Variants in GLCE observed in about 807,000 individuals in gnomAD.
GLCE encodes D-glucuronyl C5-epimerase.
A neutral mutation model predicts 47.9 loss-of-function variants in GLCE; 19 were observed. That is an observed-to-expected ratio of 0.40 (90% CI 0.28 to 0.58). The LOEUF is 0.58. Ranked by LOEUF, GLCE falls within the 20% of genes least tolerant of loss-of-function variation. The pLI, the probability that GLCE is intolerant of heterozygous loss-of-function variation, is 0.48. For synonymous variants in GLCE, 245 were observed against 263.4 expected (o/e 0.93, Z 0.68); for missense variants, 556 against 743.3 (o/e 0.75, Z 2.93).
At position 69,250,390 on chromosome 15, in the gene GLCE, C is replaced by T. The variant is rs555315990; in HGVS notation, c.-13-5404C>T. ...CTCCTTCGATCTCTCTTACCATCCCCGCCCCTCTGAAAAAAACCCGTGCCC... is the reference window on the plus strand; with the variant it reads ...CTCCTTCGATCTCTCTTACCATCCCTGCCCCTCTGAAAAAAACCCGTGCCC... On this transcript the variant is annotated intron_variant, in intron 2 of 4. Coordinates refer to ENST00000261858, the MANE Select transcript of GLCE (RefSeq NM_015554.3). Among the ~76,000 whole-genome samples, 14 of 152,194 alleles carry T rather than the reference C, an allele frequency of 9.2e-5. No individual in the cohort carries two copies. In the East Asian group the frequency reaches 1.9e-3, roughly 21 times the overall value.
At chr15:69,215,319 CAT>C (rs1336085798) in intron 2 of GLCE, among the ~76,000 whole-genome samples, 1 of 152,124 alleles carries the variant, frequency 6.6e-6, no homozygotes, top group Non-Finnish European at 1.5e-5. Flanking sequence ...TACATGGAAT[CAT>C]ATAATATGTA....
rs1595727294 is a variant in GLCE at position 69,160,986 on chromosome 15, T to G, written c.-105+229T>G. Among the ~76,000 whole-genome samples the G allele has an allele frequency of 8.3e-6, 1 of 120,648 alleles. No homozygotes were observed. The highest frequency in any genetic ancestry group is 8.8e-5 in the Admixed American group (1 of 11,402). The allele number at this position is 120,648 out of a possible 152,430, so 79.1% of individuals were successfully genotyped here. On this transcript the variant is annotated intron_variant, in intron 1 of 4. Coordinates refer to ENST00000261858, the MANE Select transcript of GLCE (RefSeq NM_015554.3). This position sits in a 1 kb window ranked among gnomAD's most constrained non-coding sequence, Gnocchi z 4.2. ...GTAGCGGGTGCCGGAGCTCCCGAGGTGAGGGGGCAATGTATTAGGGATCCT... is the reference window on the plus strand; with the variant it reads ...GTAGCGGGTGCCGGAGCTCCCGAGGGGAGGGGGCAATGTATTAGGGATCCT...
At chr15:69,220,406 A>G (rs1481851854) in intron 2 of GLCE, among the ~76,000 whole-genome samples, 1 of 152,162 alleles carries the variant, frequency 6.6e-6, no homozygotes, top group African/African-American at 2.4e-5. Flanking sequence ...TTACATTCTC[A>G]TCAACACTGC....
rs987671167 is a variant in GLCE, at chr15:69,269,815, A to G, written c.*571A>G. 2 of 152,684 alleles carry G rather than the reference A, an allele frequency of 1.3e-5. No individual in the cohort carries two copies. The highest frequency in any genetic ancestry group is 2.9e-5 in the Non-Finnish European group (2 of 68,064). The allele number at this position is 152,684 out of a possible 1,614,324, so 9.5% of individuals were successfully genotyped here. On this transcript the variant is annotated 3_prime_UTR_variant, in exon 5 of 5. Coordinates refer to ENST00000261858, the MANE Select transcript of GLCE (RefSeq NM_015554.3). ...GTTCAATTTGTTGTATATGGTGAATATTTAATTATGGTTTTCTTGAAACGT... is the reference window on the plus strand; with the variant it reads ...GTTCAATTTGTTGTATATGGTGAATGTTTAATTATGGTTTTCTTGAAACGT...
At chr15:69,241,890 C>G (rs945705321) in intron 2 of GLCE, among the ~76,000 whole-genome samples, 4 of 152,130 alleles carry the variant, frequency 2.6e-5, no homozygotes, top group Non-Finnish European at 5.9e-5. Context: ...TTGTGTAAGA[C>G]TTTGAAATGT....
intron 1 of GLCE, among the ~76,000 whole-genome samples, chr15:69,195,221 G>C (rs1049894935): frequency 1.3e-5 from 2 of 152,090 alleles, no homozygotes; most frequent in Non-Finnish European, 2.9e-5. Context: ...ACATACAAAT[G>C]TAAAAATGAT....
At chr15:69,170,436 C>T (rs1337022621) in intron 1 of GLCE, among the ~76,000 whole-genome samples, 2 of 151,934 alleles carry the variant, frequency 1.3e-5, no homozygotes, top group Non-Finnish European at 2.9e-5. Context: ...ACAGTTGTCC[C>T]AGAGGCAGCC....
chr15:69,175,802 T>C (rs892751767), intron 1 of GLCE, among the ~76,000 whole-genome samples: 2 of 152,252 alleles, frequency 1.3e-5, no homozygotes, highest in African/African-American at 4.8e-5. Context: ...AGGCTTTCAC[T>C]GCTTCTTCAT....
In GLCE at chr15:69,256,210, A is replaced by C; in HGVS notation, c.404A>C (p.Lys135Thr). 6.2e-7 allele frequency: 1 copy of C among 1,614,112 alleles called. No homozygotes were observed. Among genetic ancestry groups the C allele is most frequent in the East Asian group, 2.2e-5 (1 of 44,880 alleles). ...TTTCTTCCATTCACTTGGGTTGAGA[A>C]ATATTTTGATGTTTATGGAAAGGTG... Reference protein sequence around the residue: ...EVFLPFTWVEKYFDVYGKVVQ... With the variant: ...EVFLPFTWVETYFDVYGKVVQ... Residue 135 changes from lysine (K) to threonine (T), a missense_variant, in exon 3 of 5, where the codon AAA (lysine) becomes ACA (threonine). Coordinates refer to ENST00000261858, the MANE Select transcript of GLCE (RefSeq NM_015554.3).
At chr15:69,200,016 ATAAT>A (rs2052054216) in intron 1 of GLCE, among the ~76,000 whole-genome samples, 1 of 152,164 alleles carries the variant, frequency 6.6e-6, no homozygotes, top group Non-Finnish European at 1.5e-5. Flanking sequence ...ACATTGAGAA[ATAAT>A]TAAGATATAT....
rs1020841592 is a variant in GLCE at position 69,270,502 on chromosome 15, G to A, written c.*1258G>A. On this transcript the variant is annotated 3_prime_UTR_variant, in exon 5 of 5. Transcript: ENST00000261858. Reference sequence around the variant, plus strand: ...GGCTTCAGGCATTAAATAAAACCGAGGGTTGTTGATTTTGCTGTGACAGTA... The same window carrying A: ...GGCTTCAGGCATTAAATAAAACCGAAGGTTGTTGATTTTGCTGTGACAGTA... 6.6e-6 allele frequency: 1 copy of A among 151,958 alleles called. No homozygotes were observed. Among genetic ancestry groups the A allele is most frequent in the Admixed American group, 6.6e-5 (1 of 15,258 alleles). 9.4% of individuals were successfully genotyped at this position (151,958 alleles called of 1,614,324 possible).
chr15:69,260,919 G>T (rs2053004567), intron 3 of GLCE, 168 bp from the exon 4 acceptor site: 1 of 555,444 alleles, frequency 1.8e-6, no homozygotes, highest in Non-Finnish European at 3.1e-6. Context: ...TTCACATCTG[G>T]TTAATTTGGT....
chr15:69,261,211 A>G lies in GLCE; in HGVS notation c.711A>G (p.Glu237=), dbSNP rs1700014907. The change falls in exon 4 of 5, where the codon GAA becomes GAG. Residue 237 remains glutamate, a synonymous_variant. Transcript: ENST00000261858. Reference sequence around the variant, plus strand: ...AACCTCCTCACATAGAGGTATATGAAACAGCAGAAGACAGAGACAAAAACA... The same window carrying G: ...AACCTCCTCACATAGAGGTATATGAGACAGCAGAAGACAGAGACAAAAACA... ...TEKPPHIEVY[E]TAEDRDKNKP... 3 of 1,614,034 alleles carry G rather than the reference A, an allele frequency of 1.9e-6. No homozygotes were observed. In the Admixed American group the frequency reaches 5.0e-5, roughly 27 times the overall value.
chr15:69,249,092 A>G (rs1171786000), intron 2 of GLCE, among the ~76,000 whole-genome samples: 1 of 152,194 alleles, frequency 6.6e-6, no homozygotes, highest in African/African-American at 2.4e-5. Context: ...GGTATTTTAG[A>G]TAAGGTGGCC....
At chr15:69,224,415 G>A (rs1369962453) in intron 2 of GLCE, among the ~76,000 whole-genome samples, 4 of 152,108 alleles carry the variant, frequency 2.6e-5, no homozygotes, top group African/African-American at 9.7e-5. Flanking sequence ...AGTCTTTAAT[G>A]TCTGGCTCCC....
chr15:69,243,088 A>C (rs1399157981), intron 2 of GLCE, among the ~76,000 whole-genome samples: 1 of 151,078 alleles, frequency 6.6e-6, no homozygotes, highest in Admixed American at 6.6e-5. Context: ...AAAGAAAGAA[A>C]TGAAAAGAAA....
intron 2 of GLCE, among the ~76,000 whole-genome samples, chr15:69,233,642 A>G (rs1294841290): frequency 1.3e-5 from 2 of 152,138 alleles, no homozygotes; most frequent in East Asian, 1.9e-4. Flanking sequence ...TCCTTATTAC[A>G]TATGTGCATT....
chr15:69,250,557 G>A (rs2052826011), intron 2 of GLCE, among the ~76,000 whole-genome samples: 1 of 151,552 alleles, frequency 6.6e-6, no homozygotes, highest in African/African-American at 2.4e-5. Flanking sequence ...GCCCAGGCTG[G>A]AATACAGTGG....
intron 2 of GLCE, among the ~76,000 whole-genome samples, chr15:69,249,082 G>A (rs1263000154): frequency 6.6e-6 from 1 of 152,134 alleles, no homozygotes; most frequent in Non-Finnish European, 1.5e-5. Flanking sequence ...GGTGAGAACT[G>A]GTATTTTAGA....
Sources: gnomAD v4.1 joint callset for allele counts (sites outside exome capture counted in the v4.1 genomes callset) on GRCh38, gnomAD v4.1.1 for gene constraint, Gnocchi (gnomAD v3.1) non-coding constraint, MANE v1.5 for transcripts, NCBI Gene and HGNC (gene_info 2026-07-23, HGNC 2026-07-21) for gene names.